The following MOB1B variants were observed in gnomAD, a reference collection of about 807,000 sequenced individuals.
MOB1B encodes the protein MOB kinase activator 1B, also known as MOB1 Mps One Binder homolog B.
A neutral mutation model predicts 24.4 loss-of-function variants in MOB1B; 19 were observed. The ratio of observed to expected loss-of-function variants is 0.78; its 90% CI spans 0.54 to 1.14. The LOEUF (loss-of-function observed/expected upper bound fraction) is 1.14, where lower values mean the gene tolerates loss of function less well. Ranked by LOEUF, MOB1B falls within the 50% of genes most tolerant of loss-of-function variation. The probability of loss-of-function intolerance (pLI) is 0.00; values close to 1 mark genes in which losing one functional copy is unlikely to be tolerated. For synonymous variants in MOB1B, 76 were observed against 82.1 expected, an observed-to-expected ratio of 0.93 and a Z score of 0.40; for missense variants, 243 against 259.6, an observed-to-expected ratio of 0.94 and a Z score of 0.44.
intron 1 of MOB1B, among the ~76,000 whole-genome samples, chr4:70,915,540 TA>T (rs1736163098): frequency 6.6e-6 from 1 of 152,198 alleles, no homozygotes; most frequent in African/African-American, 2.4e-5. Flanking sequence ...GTACGCCCTA[TA>T]TAAATGGAGA....
chr4:70,959,297 C>T (rs1226629945), intron 2 of MOB1B, among the ~76,000 whole-genome samples: 1 of 152,196 alleles, frequency 6.6e-6, no homozygotes, highest in East Asian at 1.9e-4. Context: ...CAGCCTTGAA[C>T]TCCTGGGCTC....
At chr4:70,978,666 C>T (rs1739092203) in intron 4 of MOB1B, among the ~76,000 whole-genome samples, 1 of 152,132 alleles carries the variant, frequency 6.6e-6, no homozygotes, top group Admixed American at 6.5e-5. Flanking sequence ...AATTTCAGGA[C>T]AAATGTAGAC....
At chr4:70,939,953 A>G (rs1393202181) in intron 1 of MOB1B, among the ~76,000 whole-genome samples, 1 of 152,186 alleles carries the variant, frequency 6.6e-6, no homozygotes, top group Non-Finnish European at 1.5e-5. Context: ...GAGTCTGGCC[A>G]CTGTGTGGCC....
chr4:70,919,614 T>A (rs1736343497), intron 1 of MOB1B, among the ~76,000 whole-genome samples: 1 of 152,136 alleles, frequency 6.6e-6, no homozygotes, highest in Non-Finnish European at 1.5e-5. Context: ...CTCTCCTCCC[T>A]CAGGCTCCCA....
intron 1 of MOB1B, among the ~76,000 whole-genome samples, chr4:70,954,231 A>G (rs557790082): frequency 2.1e-3 from 313 of 152,342 alleles, no homozygotes; most frequent in Non-Finnish European, 3.3e-3. Context: ...TTGTGGTTCA[A>G]GAAAAGAAAG....
In MOB1B at chr4:70,982,021, A is replaced by G; in HGVS notation, c.615A>G (p.Gln205=). 1 of 1,612,926 alleles carries G rather than the reference A, an allele frequency of 6.2e-7. No individual in the cohort carries two copies. Among genetic ancestry groups the G allele is most frequent in the Non-Finnish European group, 8.5e-7 (1 of 1,179,186 alleles). The change falls in exon 6 of 6, where the codon CAA becomes CAG. Residue 205 remains glutamine (Q), a synonymous_variant. Transcript: ENST00000309395. ...ATAGAAGAGAACTTGCACCACTCCA[A>G]GAACTGATTGAAAAACTCACCTCAA... The part of the protein sequence containing the change: ...LIDRRELAPL[Q]ELIEKLTSKD...
intron 1 of MOB1B, chr4:70,950,642 G>C (rs1737763883): frequency 2.3e-6 from 2 of 859,392 alleles, no homozygotes; most frequent in African/African-American, 1.7e-5. Context: ...ATAGTTGCGA[G>C]TACAAAGCTT....
intron 1 of MOB1B, among the ~76,000 whole-genome samples, chr4:70,913,788 T>C (rs1736092798): frequency 6.6e-6 from 1 of 152,206 alleles, no homozygotes; most frequent in Non-Finnish European, 1.5e-5. Context: ...CATTCTGTTT[T>C]CACCCACTAG....
intron 1 of MOB1B, among the ~76,000 whole-genome samples, chr4:70,952,272 A>G (rs891123427): frequency 1.1e-4 from 16 of 152,106 alleles, no homozygotes; most frequent in Non-Finnish European, 1.5e-4. Context: ...AAGTAGATTT[A>G]CTTGTATCTT....
intron 1 of MOB1B, among the ~76,000 whole-genome samples, chr4:70,942,635 A>G (rs1481786708): frequency 6.6e-6 from 1 of 152,188 alleles, no homozygotes; most frequent in Non-Finnish European, 1.5e-5. Flanking sequence ...GTTTTATCTA[A>G]AAGATATGTC....
intron 1 of MOB1B, among the ~76,000 whole-genome samples, chr4:70,912,412 T>C (rs1008732272): frequency 6.6e-6 from 1 of 151,928 alleles, no homozygotes; most frequent in African/African-American, 2.4e-5. Flanking sequence ...CCCAAGTAGC[T>C]GGGATTACAG....
In MOB1B at chr4:70,940,833, C is replaced by T. The variant is rs143565234; in HGVS notation, c.15-18041C>T. Among the ~76,000 whole-genome samples, 669 of 152,074 alleles carry T rather than the reference C, an allele frequency of 4.4e-3. 4 individuals carry two copies. The highest frequency in any genetic ancestry group is 0.015 in the African/African-American group (625 of 41,484). On this transcript the variant is annotated intron_variant, in intron 1 of 5. Coordinates refer to ENST00000309395, the MANE Select transcript of MOB1B (RefSeq NM_173468.4). The stretch of plus-strand genomic sequence containing the variant: ...CTGGGATTACAGGCATGCACCACCA[C>T]GCCCGGCTAATTTTGTATTTTTAGT...
chr4:70,968,625 T>A (rs1249754128), intron 2 of MOB1B, among the ~76,000 whole-genome samples: 1 of 152,134 alleles, frequency 6.6e-6, no homozygotes, highest in African/African-American at 2.4e-5. Context: ...TTTACTTTAT[T>A]CTTTTTTGAG....
intron 1 of MOB1B, among the ~76,000 whole-genome samples, chr4:70,952,642 CAAAAA>C (rs541028817): frequency 9.3e-5 from 5 of 54,008 alleles, no homozygotes; most frequent in African/African-American, 2.0e-4. Flanking sequence ...GACGCCGTCT[CAAAAA>C]AAAAAAAAAA....
intron 1 of MOB1B, among the ~76,000 whole-genome samples, chr4:70,924,325 G>T (rs1736567291): frequency 6.6e-6 from 1 of 152,156 alleles, no homozygotes; most frequent in South Asian, 2.1e-4. Flanking sequence ...GTACTTTTGA[G>T]TCAGTGAACA....
chr4:70,981,360 C>A (rs996554027), intron 5 of MOB1B, among the ~76,000 whole-genome samples: 2 of 152,086 alleles, frequency 1.3e-5, no homozygotes, highest in Admixed American at 6.6e-5. Context: ...GTTTATAGTT[C>A]AGGGGAAATC....
At position 70,987,280 on chromosome 4, in the gene MOB1B, A is replaced by C. The variant is rs1332923375; in HGVS notation, c.*5223A>C. On this transcript the variant is annotated 3_prime_UTR_variant, in exon 6 of 6. Transcript: ENST00000309395. ...TAAAATTTCAATATTTAATTTCTCT[A>C]TATATTATTAATATTAAATTGTTTT... 6 of 151,842 alleles carry C rather than the reference A, an allele frequency of 4.0e-5. No individual in the cohort carries two copies. The highest frequency in any genetic ancestry group is 1.9e-4 in the East Asian group (1 of 5,202). The allele number at this position is 151,842 out of a possible 1,614,324, so 9.4% of individuals were successfully genotyped here.
intron 1 of MOB1B, among the ~76,000 whole-genome samples, chr4:70,934,561 C>A (rs1249116318): frequency 6.6e-6 from 1 of 151,922 alleles, no homozygotes; most frequent in Non-Finnish European, 1.5e-5. Flanking sequence ...TCAAGTGATT[C>A]TTCTGCCTCA....
chr4:70,905,030 T>C (rs1470690817), intron 1 of MOB1B, among the ~76,000 whole-genome samples: 1 of 152,210 alleles, frequency 6.6e-6, no homozygotes, highest in African/African-American at 2.4e-5. Flanking sequence ...AGGTTATATC[T>C]ATCTAGCAGT....
Sources: gnomAD v4.1 joint callset for allele counts (sites outside exome capture counted in the v4.1 genomes callset) on GRCh38, gnomAD v4.1.1 for gene constraint, MANE v1.5 for transcripts, NCBI Gene and HGNC (gene_info 2026-07-23, HGNC 2026-07-21) for gene names.